Variants in CTNNA2 observed in about 807,000 individuals in gnomAD.
CTNNA2 encodes the protein catenin alpha-2.
CTNNA2 carries 42 observed loss-of-function variants against 101.0 expected under a neutral mutation model. That is an observed-to-expected ratio of 0.42 (90% CI 0.32 to 0.54). The LOEUF (loss-of-function observed/expected upper bound fraction) is 0.54. CTNNA2 is among the 20% of genes least tolerant of loss of function. The probability of loss-of-function intolerance (pLI) is 0.14; values close to 1 mark genes in which losing one functional copy is unlikely to be tolerated. For synonymous variants in CTNNA2, 450 were observed against 456.4 expected, an observed-to-expected ratio of 0.99 and a Z score of 0.18; for missense variants, 871 against 1,223.1, an observed-to-expected ratio of 0.71 and a Z score of 4.29.
intron 4 of CTNNA2, among the ~76,000 whole-genome samples, chr2:79,428,552 G>T (rs773390556): frequency 1.3e-5 from 2 of 151,916 alleles, no homozygotes; most frequent in African/African-American, 4.8e-5. Flanking sequence ...GGTGGAGGTG[G>T]TAGATACATT....
Position 80,648,007 on chromosome 2 carries a change from C to T in CTNNA2, c.*135C>T, listed in dbSNP as rs186768234. On this transcript the variant is annotated 3_prime_UTR_variant, in exon 19 of 19. Coordinates refer to ENST00000402739, the MANE Select transcript of CTNNA2 (RefSeq NM_001282597.3). The stretch of plus-strand genomic sequence containing the variant: ...AAATTAAGGGAACAGTGTCTGTTTG[C>T]ATGTAAGATGAGATGAGATCAATAC... The T allele has an allele frequency of 1.8e-5, 14 of 796,920 alleles. No individual in the cohort carries two copies. In the African/African-American group the frequency reaches 2.4e-4, roughly 14 times the overall value. 49.4% of individuals were successfully genotyped at this position (796,920 alleles called of 1,614,324 possible).
intron 3 of CTNNA2, among the ~76,000 whole-genome samples, chr2:79,780,163 G>T (rs534693322): frequency 6.6e-6 from 1 of 152,070 alleles, no homozygotes; most frequent in African/African-American, 2.4e-5. Flanking sequence ...GCTTCCACTT[G>T]TCCTACCTTT....
intron 4 of CTNNA2, among the ~76,000 whole-genome samples, chr2:79,860,932 G>T (rs1681576543): frequency 1.3e-5 from 2 of 152,302 alleles, no homozygotes; most frequent in South Asian, 4.1e-4. Flanking sequence ...CGTATTGTCT[G>T]CAAGCTTCTA....
chr2:79,652,185 T>C (rs576912065), intron 2 of CTNNA2, among the ~76,000 whole-genome samples: 45 of 152,150 alleles, frequency 3.0e-4, no homozygotes, highest in African/African-American at 1.0e-3. Flanking sequence ...TATTTTTTAG[T>C]GTCTTGTTAA....
chr2:80,611,213 T>C, intron 17 of CTNNA2, among the ~76,000 whole-genome samples: 1 of 104,204 alleles, frequency 9.6e-6, no homozygotes, highest in Admixed American at 9.7e-5. Context: ...AAATTGGCTT[T>C]ATTTATTTGC....
chr2:80,128,697 C>T (rs776297377), intron 7 of CTNNA2, among the ~76,000 whole-genome samples: 19 of 152,100 alleles, frequency 1.2e-4, no homozygotes, highest in Non-Finnish European at 2.2e-4. Context: ...TATTTTTCTT[C>T]TCTATAAGCT....
chr2:80,491,492 A>G (rs1428218743), intron 9 of CTNNA2, among the ~76,000 whole-genome samples: 1 of 152,244 alleles, frequency 6.6e-6, no homozygotes, highest in Non-Finnish European at 1.5e-5. Flanking sequence ...CTTTAGTTAC[A>G]ATCCAATGAC....
intron 7 of CTNNA2, among the ~76,000 whole-genome samples, chr2:80,094,014 A>T (rs1029229418): frequency 3.3e-5 from 5 of 151,874 alleles, no homozygotes; most frequent in African/African-American, 1.2e-4. Context: ...GTTTAATTAG[A>T]TCCCATTTTT....
chr2:79,878,649 T>C (rs561778392), intron 6 of CTNNA2, among the ~76,000 whole-genome samples: 1 of 152,356 alleles, frequency 6.6e-6, no homozygotes, highest in Non-Finnish European at 1.5e-5. Context: ...AAGTGTCTGT[T>C]CATATCCTTT....
intron 2 of CTNNA2, among the ~76,000 whole-genome samples, chr2:79,289,384 A>C (rs1026626593): frequency 3.3e-5 from 5 of 152,222 alleles, no homozygotes; most frequent in Non-Finnish European, 7.3e-5. Context: ...AGTGTTTGTT[A>C]ATAAAAATGG....
chr2:80,308,061 C>G (rs570167704), intron 7 of CTNNA2, among the ~76,000 whole-genome samples: 1 of 151,876 alleles, frequency 6.6e-6, no homozygotes, highest in East Asian at 2.0e-4. Flanking sequence ...TTAATTCCTT[C>G]TCTCTTCAAC....
At chr2:79,270,510 G>A (rs546928160) in intron 2 of CTNNA2, among the ~76,000 whole-genome samples, 32 of 152,216 alleles carry the variant, frequency 2.1e-4, no homozygotes, top group African/African-American at 7.7e-4. Context: ...ACTGGACTCT[G>A]ATATTGACTT....
chr2:80,077,240 C>G (rs1270638607), intron 7 of CTNNA2, among the ~76,000 whole-genome samples: 3 of 151,958 alleles, frequency 2.0e-5, no homozygotes, highest in Non-Finnish European at 4.4e-5. Context: ...CCGTAGTACC[C>G]AACAATAACA....
At chr2:80,025,026 C>T (rs142965238) in intron 7 of CTNNA2, among the ~76,000 whole-genome samples, 153 of 152,258 alleles carry the variant, frequency 1.0e-3, no homozygotes, top group Admixed American at 3.9e-3. Context: ...CGACCATCCC[C>T]GGCCAAGCTC....
chr2:80,363,766 C>A (rs980811746), intron 7 of CTNNA2, among the ~76,000 whole-genome samples: 2 of 152,130 alleles, frequency 1.3e-5, no homozygotes, highest in East Asian at 1.9e-4. Flanking sequence ...ATATTTAAAA[C>A]CCCTGCTATA....
At chr2:80,392,078 G>A (rs545448045) in intron 7 of CTNNA2, among the ~76,000 whole-genome samples, 1 of 152,210 alleles carries the variant, frequency 6.6e-6, no homozygotes, top group Non-Finnish European at 1.5e-5. Context: ...GAGCGGGTAT[G>A]TATGTATCAG....
intron 18 of CTNNA2, among the ~76,000 whole-genome samples, chr2:80,646,509 C>T (rs1471023613): frequency 6.6e-6 from 1 of 151,936 alleles, no homozygotes; most frequent in African/African-American, 2.4e-5. Context: ...TTGAGCCTCA[C>T]CAATCCTGAG....
chr2:80,270,701 A>C (rs1673392385), intron 7 of CTNNA2, among the ~76,000 whole-genome samples: 1 of 152,234 alleles, frequency 6.6e-6, no homozygotes, highest in Non-Finnish European at 1.5e-5. Context: ...TTTTCAACTC[A>C]GTAATACCAG....
intron 7 of CTNNA2, among the ~76,000 whole-genome samples, chr2:80,105,347 G>C (rs897740453): frequency 6.6e-6 from 1 of 152,210 alleles, no homozygotes; most frequent in Non-Finnish European, 1.5e-5. Flanking sequence ...TTATGCCAAT[G>C]TTCTCCTTCT....
Sources: allele counts gnomAD v4.1 joint callset (sites outside exome capture counted in the v4.1 genomes callset), GRCh38; gene constraint gnomAD v4.1.1; transcripts MANE v1.5; gene names NCBI Gene and HGNC (gene_info 2026-07-23, HGNC 2026-07-21).